Variants in UVRAG observed in about 807,000 individuals in gnomAD.
The protein encoded by UVRAG is UV radiation resistance associated.
Under a neutral mutation model 78.0 loss-of-function variants are expected in UVRAG, and 19 were observed. The ratio of observed to expected loss-of-function variants is 0.24; its 90% CI spans 0.17 to 0.36. The LOEUF is 0.36. Among genes scored for constraint, UVRAG ranks in the 10% least tolerant of loss-of-function variants. The pLI, the probability that UVRAG is intolerant of heterozygous loss-of-function variation, is 1.00. For synonymous variants in UVRAG, 323 were observed against 324.6 expected, an observed-to-expected ratio of 1.00 and a Z score of 0.05; for missense variants, 740 against 853.8, an observed-to-expected ratio of 0.87 and a Z score of 1.66.
rs1326436231 is a variant in UVRAG, at chr11:76,144,043, G to A, written c.*2630G>A. On this transcript the variant is annotated 3_prime_UTR_variant, in exon 15 of 15. Coordinates refer to ENST00000356136, the MANE Select transcript of UVRAG (RefSeq NM_003369.4). ...AGATTTTTTTCCCCTCAGAATATTA[G>A]TTTTGGAAGATTGTGCCCAGCTATA... Among the ~76,000 whole-genome samples the A allele has an allele frequency of 1.3e-5, 2 of 152,078 alleles. No individual in the cohort carries two copies. Among genetic ancestry groups the A allele is most frequent in the African/African-American group, 4.8e-5 (2 of 41,402 alleles).
chr11:76,109,612 C>T (rs911282835), intron 13 of UVRAG, among the ~76,000 whole-genome samples: 2 of 152,168 alleles, frequency 1.3e-5, no homozygotes, highest in Non-Finnish European at 2.9e-5. Flanking sequence ...CCTCTCATTC[C>T]AAAGACAGAG....
At chr11:75,826,606 G>A (rs1467348250) in intron 1 of UVRAG, among the ~76,000 whole-genome samples, 2 of 151,890 alleles carry the variant, frequency 1.3e-5, no homozygotes, top group Non-Finnish European at 2.9e-5. Flanking sequence ...CTTTTATGGT[G>A]TGAATTAGAG....
rs538411587 is a variant in UVRAG, at chr11:76,026,517, A to G, written c.1226+9537A>G. Reference sequence around the variant, plus strand: ...CTTCTTCCAGAAATGGGGAATTTTCATATCATGCTTAGGCTTAAATGCTAT... The same window carrying G: ...CTTCTTCCAGAAATGGGGAATTTTCGTATCATGCTTAGGCTTAAATGCTAT... On this transcript the variant is annotated intron_variant, in intron 12 of 14. Transcript: ENST00000356136. Among the ~76,000 whole-genome samples the G allele has an allele frequency of 2.7e-4, 41 of 152,298 alleles. 1 individual carries two copies. Among genetic ancestry groups the G allele is most frequent in the African/African-American group, 9.6e-4 (40 of 41,582 alleles).
intron 13 of UVRAG, among the ~76,000 whole-genome samples, chr11:76,088,148 T>A (rs1176605087): frequency 6.6e-6 from 1 of 152,190 alleles, no homozygotes; most frequent in African/African-American, 2.4e-5. Context: ...GCGATAGTGA[T>A]GGGATTACAG....
intron 9 of UVRAG, among the ~76,000 whole-genome samples, chr11:76,006,081 GCTGTCT>G (rs1949931632): frequency 6.6e-6 from 1 of 152,078 alleles, no homozygotes; most frequent in African/African-American, 2.4e-5. Context: ...CCATCCTGAG[GCTGTCT>G]AGGAGCCCCT....
intron 12 of UVRAG, among the ~76,000 whole-genome samples, chr11:76,022,441 C>T (rs954713191): frequency 1.3e-5 from 2 of 151,694 alleles, no homozygotes; most frequent in South Asian, 2.1e-4. Flanking sequence ...ATTCTGTCAA[C>T]ATTTGCTTCA....
At chr11:75,856,420 T>C (rs560974440) in intron 2 of UVRAG, among the ~76,000 whole-genome samples, 27 of 152,216 alleles carry the variant, frequency 1.8e-4, no homozygotes, top group African/African-American at 6.3e-4. Flanking sequence ...CTTAATTTGG[T>C]GATCTTACCC....
chr11:75,815,621 A>G (rs1055310533), intron 1 of UVRAG, 97 bp downstream of exon 1: 10 of 752,444 alleles, frequency 1.3e-5, no homozygotes, highest in Non-Finnish European at 1.8e-5. Context: ...CGGGACACCC[A>G]GAGCAGGGAC....
chr11:75,816,607 C>G (rs924114268), intron 1 of UVRAG, among the ~76,000 whole-genome samples: 1 of 152,154 alleles, frequency 6.6e-6, no homozygotes, highest in Non-Finnish European at 1.5e-5. Context: ...GAGGCTTGTC[C>G]AGAGCCTTCC....
At chr11:75,872,867 T>C (rs1212195867) in intron 3 of UVRAG, among the ~76,000 whole-genome samples, 2 of 152,224 alleles carry the variant, frequency 1.3e-5, no homozygotes, top group South Asian at 4.1e-4. Context: ...TAAGTAAGAA[T>C]ATATAGTCAA....
At chr11:75,956,443 T>C (rs1028109490) in intron 6 of UVRAG, among the ~76,000 whole-genome samples, 3 of 148,838 alleles carry the variant, frequency 2.0e-5, no homozygotes, top group African/African-American at 7.6e-5. Context: ...TGGAGTGCAA[T>C]GGCACGATCT....
intron 12 of UVRAG, among the ~76,000 whole-genome samples, chr11:76,051,938 C>T (rs1950877896): frequency 6.6e-6 from 1 of 152,180 alleles, no homozygotes; most frequent in African/African-American, 2.4e-5. Context: ...CCTAATCTGT[C>T]ACATACCTTC....
chr11:75,904,694 T>C (rs1947579355), intron 5 of UVRAG, among the ~76,000 whole-genome samples: 1 of 152,192 alleles, frequency 6.6e-6, no homozygotes, highest in South Asian at 2.1e-4. Context: ...TCTTTGTGTC[T>C]CAGTTTCCAC....
chr11:75,974,270 A>T (rs937445235), intron 7 of UVRAG, among the ~76,000 whole-genome samples: 2 of 147,380 alleles, frequency 1.4e-5, no homozygotes, highest in Non-Finnish European at 3.0e-5. Context: ...ATGGTATCTC[A>T]TTGTGGTTTT....
At chr11:76,107,196 C>G (rs996336439) in intron 13 of UVRAG, among the ~76,000 whole-genome samples, 2 of 152,134 alleles carry the variant, frequency 1.3e-5, no homozygotes, top group African/African-American at 4.8e-5. Context: ...TTTAATATGG[C>G]AGATTTTATA....
At chr11:75,962,411 A>G (rs1282141300) in intron 7 of UVRAG, among the ~76,000 whole-genome samples, 1 of 152,162 alleles carries the variant, frequency 6.6e-6, no homozygotes, top group Non-Finnish European at 1.5e-5. Context: ...GTAGAAGTAT[A>G]GAAAAGCAGC....
chr11:75,957,864 A>G (rs796638683), intron 6 of UVRAG, among the ~76,000 whole-genome samples: 6 of 152,334 alleles, frequency 3.9e-5, no homozygotes, highest in African/African-American at 1.2e-4. Context: ...GATACTGAGG[A>G]TTTGGTTCCA....
intron 6 of UVRAG, among the ~76,000 whole-genome samples, chr11:75,948,154 T>A (rs905510725): frequency 6.6e-6 from 1 of 152,180 alleles, no homozygotes; most frequent in Non-Finnish European, 1.5e-5. Context: ...GTGGTTTTTT[T>A]CTTTTGTATA....
chr11:75,886,236 G>T (rs1373656606), intron 4 of UVRAG, among the ~76,000 whole-genome samples: 1 of 152,098 alleles, frequency 6.6e-6, no homozygotes, highest in Non-Finnish European at 1.5e-5. Flanking sequence ...TCTTCATGAA[G>T]TTTACACTTT....
Sources: allele counts gnomAD v4.1 joint callset (sites outside exome capture counted in the v4.1 genomes callset), GRCh38; gene constraint gnomAD v4.1.1; transcripts MANE v1.5; gene names NCBI Gene and HGNC (gene_info 2026-07-23, HGNC 2026-07-21).